CDH12: variants seen among roughly 807,000 people sequenced by gnomAD.
CDH12 encodes cadherin 12, also known as cadherin-12.
CDH12 carries 41 observed loss-of-function variants against 74.1 expected under a neutral mutation model. That is an observed-to-expected ratio of 0.55 (90% CI 0.43 to 0.72). The LOEUF is 0.72. CDH12 is among the 30% of genes least tolerant of loss of function. The probability of loss-of-function intolerance (pLI) is 0.00; values close to 1 mark genes in which losing one functional copy is unlikely to be tolerated. For synonymous variants in CDH12, 399 were observed against 355.0 expected (o/e 1.12, Z -1.39); for missense variants, 945 against 977.2 (o/e 0.97, Z 0.44).
intron 4 of CDH12, among the ~76,000 whole-genome samples, chr5:22,145,985 A>G (rs570044086): frequency 3.3e-5 from 5 of 152,140 alleles, no homozygotes; most frequent in Admixed American, 1.3e-4. Flanking sequence ...AATGCATATC[A>G]TTTAAACATT....
intron 1 of CDH12, among the ~76,000 whole-genome samples, chr5:22,848,547 G>T (rs1737409203): frequency 6.6e-6 from 1 of 152,014 alleles, no homozygotes; most frequent in South Asian, 2.1e-4. Context: ...CACCCCCATG[G>T]TCTCCATTTT....
chr5:22,581,466 T>C (rs1740099843), intron 1 of CDH12, among the ~76,000 whole-genome samples: 1 of 152,136 alleles, frequency 6.6e-6, no homozygotes, highest in Non-Finnish European at 1.5e-5. Flanking sequence ...ATACATCCTC[T>C]GAAATCTAGG....
chr5:22,339,011 G>T (rs778672100), intron 3 of CDH12, among the ~76,000 whole-genome samples: 1 of 152,114 alleles, frequency 6.6e-6, no homozygotes, highest in East Asian at 1.9e-4. Context: ...TTTGGAAGAG[G>T]ACTTAGAGTT....
intron 1 of CDH12, among the ~76,000 whole-genome samples, chr5:22,735,661 G>A (rs1225946221): frequency 8.6e-5 from 13 of 151,818 alleles, no homozygotes; most frequent in Admixed American, 2.0e-4. Context: ...AACAAATCTC[G>A]TTAGAACTTC....
chr5:22,191,312 C>T (rs1561205449), intron 4 of CDH12, among the ~76,000 whole-genome samples: 2 of 152,120 alleles, frequency 1.3e-5, no homozygotes, highest in South Asian at 2.1e-4. Context: ...TCTCATTTCA[C>T]TCTTAGCGCT....
At chr5:22,494,157 T>A (rs566312148) in intron 2 of CDH12, among the ~76,000 whole-genome samples, 82 of 152,362 alleles carry the variant, frequency 5.4e-4, no homozygotes, top group African/African-American at 1.9e-3. Flanking sequence ...ATAGTAATGT[T>A]GATGAGACTA....
chr5:22,398,358 T>C (rs1384176029), intron 3 of CDH12, among the ~76,000 whole-genome samples: 1 of 152,120 alleles, frequency 6.6e-6, no homozygotes, highest in African/African-American at 2.4e-5. Context: ...GTAAAATATA[T>C]AATTTAAGTT....
intron 1 of CDH12, among the ~76,000 whole-genome samples, chr5:22,579,576 T>A (rs1739972954): frequency 6.6e-6 from 1 of 152,156 alleles, no homozygotes; most frequent in Admixed American, 6.5e-5. Context: ...CAGACTTGGA[T>A]GACATGATTG....
Position 21,870,172 on chromosome 5 carries a change from G to T in CDH12, c.527-15382C>A, listed in dbSNP as rs555812799. Among the ~76,000 whole-genome samples the T allele has an allele frequency of 2.8e-4, 42 of 152,338 alleles. 1 individual carries two copies. The East Asian group carries it at 7.3e-3, about 27-fold the overall frequency. On this transcript the variant is annotated intron_variant, in intron 6 of 14. Transcript: ENST00000382254. Reference sequence around the variant, plus strand: ...GAAGCTTCCCCAGCCATGTGAAACTGTAAGTTCAATTAAACCTCTTTCTTT... The same window carrying T: ...GAAGCTTCCCCAGCCATGTGAAACTTTAAGTTCAATTAAACCTCTTTCTTT...
rs552944467 is a variant in CDH12, at chr5:22,305,580, A to G, written c.-332-92937T>C. Among the ~76,000 whole-genome samples, 7 of 152,168 alleles carry G rather than the reference A, an allele frequency of 4.6e-5. No individual in the cohort carries two copies. In the East Asian group the frequency reaches 7.8e-4, roughly 17 times the overall value. Reference sequence around the variant, plus strand: ...CACCTTAAAGTGCCTGGGCCATTGTATCTCCTCTATGATCAGTCACTGAAT... The same window carrying G: ...CACCTTAAAGTGCCTGGGCCATTGTGTCTCCTCTATGATCAGTCACTGAAT... On this transcript the variant is annotated intron_variant, in intron 3 of 14. Coordinates refer to ENST00000382254, the MANE Select transcript of CDH12 (RefSeq NM_004061.5).
chr5:22,004,445 C>T (rs1736817200), intron 5 of CDH12, among the ~76,000 whole-genome samples: 1 of 152,162 alleles, frequency 6.6e-6, no homozygotes, highest in Non-Finnish European at 1.5e-5. Flanking sequence ...CTGGCCCCTA[C>T]ACTCATTCTC....
At chr5:22,067,179 C>T (rs531427610) in intron 5 of CDH12, among the ~76,000 whole-genome samples, 60 of 152,274 alleles carry the variant, frequency 3.9e-4, no homozygotes, top group African/African-American at 1.4e-3. Flanking sequence ...TGGAAACATG[C>T]TGCTTGGATC....
At chr5:22,159,966 A>G (rs1748236051) in intron 4 of CDH12, among the ~76,000 whole-genome samples, 1 of 152,184 alleles carries the variant, frequency 6.6e-6, no homozygotes, top group African/African-American at 2.4e-5. Flanking sequence ...TGATTCTTTA[A>G]GGTAATGTTA....
At chr5:22,667,814 A>G (rs1363623070) in intron 1 of CDH12, among the ~76,000 whole-genome samples, 3 of 152,230 alleles carry the variant, frequency 2.0e-5, no homozygotes, top group Non-Finnish European at 4.4e-5. Flanking sequence ...TCTGATTTAC[A>G]TATTGACAAT....
chr5:22,494,497 ACAACT>A (rs1266435941), intron 2 of CDH12, among the ~76,000 whole-genome samples: 1 of 152,254 alleles, frequency 6.6e-6, no homozygotes, highest in Non-Finnish European at 1.5e-5. Flanking sequence ...AAATGTACAT[ACAACT>A]CACATGTATT....
chr5:22,822,056 A>G (rs1322331005), intron 1 of CDH12, among the ~76,000 whole-genome samples: 2 of 152,198 alleles, frequency 1.3e-5, no homozygotes, highest in South Asian at 2.1e-4. Flanking sequence ...GGAACAGAAC[A>G]GAGACCTCAG....
At chr5:22,411,546 T>C (rs1364626982) in intron 2 of CDH12, among the ~76,000 whole-genome samples, 1 of 152,040 alleles carries the variant, frequency 6.6e-6, no homozygotes, top group East Asian at 1.9e-4. Context: ...GCTCAAAAGA[T>C]TAAAGCTATT....
intron 4 of CDH12, among the ~76,000 whole-genome samples, chr5:22,185,078 C>T (rs1293251568): frequency 1.3e-5 from 2 of 152,116 alleles, no homozygotes; most frequent in Admixed American, 6.5e-5. Flanking sequence ...TCATTTAGCT[C>T]CCACAGTTTA....
chr5:22,459,984 A>C (rs1458400469), intron 2 of CDH12, among the ~76,000 whole-genome samples: 4 of 152,166 alleles, frequency 2.6e-5, no homozygotes, highest in Non-Finnish European at 5.9e-5. Context: ...AAATAAATAA[A>C]TAAATAAGAA....
Sources: gnomAD v4.1 joint callset for allele counts (sites outside exome capture counted in the v4.1 genomes callset) on GRCh38, gnomAD v4.1.1 for gene constraint, MANE v1.5 for transcripts, NCBI Gene and HGNC (gene_info 2026-07-23, HGNC 2026-07-21) for gene names.